SRGAP1: variants seen among roughly 807,000 people sequenced by gnomAD.
SRGAP1 encodes SLIT-ROBO Rho GTPase activating protein 1, also known as SLIT-ROBO Rho GTPase-activating protein 1.
SRGAP1 carries 43 observed loss-of-function variants against 121.9 expected under a neutral mutation model. The observed-to-expected ratio is 0.35, with a 90% CI of 0.28 to 0.46. The LOEUF (loss-of-function observed/expected upper bound fraction) is 0.46. SRGAP1 is among the 20% of genes least tolerant of loss of function. SRGAP1 has a pLI of 1.00. For synonymous variants in SRGAP1, 447 were observed against 485.4 expected (o/e 0.92, Z 1.04); for missense variants, 1,102 against 1,350.9 (o/e 0.82, Z 2.89).
intron 4 of SRGAP1, among the ~76,000 whole-genome samples, chr12:64,033,090 TG>T (rs1439786125): frequency 6.6e-6 from 1 of 152,088 alleles, no homozygotes; most frequent in Non-Finnish European, 1.5e-5. Context: ...GAACAGAAGC[TG>T]ATTATTTCTG....
intron 1 of SRGAP1, among the ~76,000 whole-genome samples, chr12:63,851,437 AAAAT>A (rs1453269903): frequency 2.0e-5 from 3 of 152,238 alleles, no homozygotes; most frequent in East Asian, 1.9e-4. Flanking sequence ...TAATTTTTAA[AAAAT>A]AAATAAATAA....
In SRGAP1 at chr12:63,865,948, C is replaced by T. The variant is rs142738779; in HGVS notation, c.67+21065C>T. ...CTCTCAGTCCAACCACTCAGCTCAT[C>T]GTTGTCGGTTGTGGTATAAAATCCA... On this transcript the variant is annotated intron_variant, in intron 1 of 21. Transcript: ENST00000355086. 5.5e-4 allele frequency among the ~76,000 whole-genome samples: 83 copies of T among 152,224 alleles called. No homozygotes were observed. In the Middle Eastern group the frequency reaches 0.01, roughly 19 times the overall value.
intron 10 of SRGAP1, among the ~76,000 whole-genome samples, chr12:64,083,297 C>T (rs767126941): frequency 2.6e-5 from 4 of 152,138 alleles, no homozygotes; most frequent in African/African-American, 4.8e-5. Flanking sequence ...CTAGACTCAC[C>T]GCTGCAAAAA....
At chr12:64,064,954 C>T (rs1420970471) in intron 7 of SRGAP1, among the ~76,000 whole-genome samples, 164 bp from the exon 8 acceptor site, 7 of 152,180 alleles carry the variant, frequency 4.6e-5, no homozygotes, top group Non-Finnish European at 5.9e-5. Flanking sequence ...TATGTAACAG[C>T]TCCATATTTA....
At chr12:63,932,938 C>T (rs1167967587) in intron 1 of SRGAP1, among the ~76,000 whole-genome samples, 1 of 152,120 alleles carries the variant, frequency 6.6e-6, no homozygotes, top group Non-Finnish European at 1.5e-5. Flanking sequence ...GCCTTTAATC[C>T]CAGCACTTTG....
intron 11 of SRGAP1, among the ~76,000 whole-genome samples, chr12:64,088,554 C>T (rs780006762): frequency 5.3e-5 from 8 of 152,198 alleles, no homozygotes; most frequent in Non-Finnish European, 8.8e-5. Context: ...GTGGTAGCCA[C>T]AGAATCAGAA....
intron 1 of SRGAP1, among the ~76,000 whole-genome samples, chr12:63,953,078 C>G (rs1461227583): frequency 1.3e-5 from 2 of 152,204 alleles, no homozygotes; most frequent in Non-Finnish European, 2.9e-5. Flanking sequence ...TGAAGTCACA[C>G]AAATAGTAAG....
intron 1 of SRGAP1, among the ~76,000 whole-genome samples, chr12:63,905,453 A>T (rs1445931019): frequency 6.6e-6 from 1 of 152,200 alleles, no homozygotes; most frequent in African/African-American, 2.4e-5. Context: ...AAAGGACGAG[A>T]GTATTTTGAA....
At chr12:63,971,410 G>A (rs1239007091) in intron 1 of SRGAP1, among the ~76,000 whole-genome samples, 1 of 152,216 alleles carries the variant, frequency 6.6e-6, no homozygotes, top group Non-Finnish European at 1.5e-5. Context: ...ATGTTTGTCA[G>A]ATGAGTACGT....
At chr12:64,131,593 C>T (rs1281112209) in intron 21 of SRGAP1, among the ~76,000 whole-genome samples, 1 of 152,232 alleles carries the variant, frequency 6.6e-6, no homozygotes, top group Admixed American at 6.5e-5. Context: ...TTCTCTTCCT[C>T]TGTCAAGTGA....
intron 1 of SRGAP1, among the ~76,000 whole-genome samples, chr12:63,961,477 G>T (rs1019958495): frequency 2.0e-5 from 3 of 152,208 alleles, no homozygotes; most frequent in African/African-American, 7.2e-5. Context: ...GGGCTGTATG[G>T]ATGGGGGATT....
intron 1 of SRGAP1, among the ~76,000 whole-genome samples, chr12:63,893,142 C>A (rs1900644095): frequency 6.6e-6 from 1 of 152,106 alleles, no homozygotes. Context: ...TTTTCCCAGC[C>A]CACTCCCCAA....
At chr12:63,940,936 C>G (rs1339740734) in intron 1 of SRGAP1, among the ~76,000 whole-genome samples, 1 of 152,092 alleles carries the variant, frequency 6.6e-6, no homozygotes, top group African/African-American at 2.4e-5. Flanking sequence ...CATTACCTTC[C>G]CGCGGCCTGA....
chr12:64,127,846 T>G lies in SRGAP1; in HGVS notation c.2541-15T>G. 6.2e-7 allele frequency: 1 copy of G among 1,603,356 alleles called. No homozygotes were observed. The highest frequency in any genetic ancestry group is 8.5e-7 in the Non-Finnish European group (1 of 1,173,646). ...TAAGCTCTTCTGTTTTCTCCCTGTTTCTGTGAATGTCTAGGCAACGAAAAA... is the reference window on the plus strand; with the variant it reads ...TAAGCTCTTCTGTTTTCTCCCTGTTGCTGTGAATGTCTAGGCAACGAAAAA... On this transcript the variant is annotated splice_polypyrimidine_tract_variant and intron_variant, in intron 20 of 21. Transcript: ENST00000355086.
At chr12:64,068,262 A>C (rs1258443143) in intron 8 of SRGAP1, among the ~76,000 whole-genome samples, 2 of 145,602 alleles carry the variant, frequency 1.4e-5, no homozygotes, top group Admixed American at 6.8e-5. Flanking sequence ...AACAGAGCAA[A>C]ACTCTGTCTC....
intron 1 of SRGAP1, among the ~76,000 whole-genome samples, chr12:63,859,323 C>A (rs2136264241): frequency 6.6e-6 from 1 of 152,156 alleles, no homozygotes; most frequent in Non-Finnish European, 1.5e-5. Flanking sequence ...CCATGCCTGG[C>A]TCCTGGCTAA....
At chr12:63,957,921 T>C (rs1453023649) in intron 1 of SRGAP1, among the ~76,000 whole-genome samples, 2 of 152,188 alleles carry the variant, frequency 1.3e-5, no homozygotes, top group Non-Finnish European at 2.9e-5. Context: ...TGCATGCCTC[T>C]GCGGGGTGCT....
In SRGAP1 at chr12:64,111,837, T is replaced by C. The variant is rs549947701; in HGVS notation, c.1995T>C (p.Pro665=). The C allele has an allele frequency of 6.2e-7, 1 of 1,614,134 alleles. No individual in the cohort carries two copies. Among genetic ancestry groups the C allele is most frequent in the East Asian group, 2.2e-5 (1 of 44,870 alleles). ...TTTGCTTTGGCCCAACATTGATGCC[T>C]GTCCCAGAAATACAGGATCAAGTGT... The part of the protein sequence containing the change: ...LAICFGPTLM[P]VPEIQDQVSC... The change falls in exon 17 of 22, where the codon CCT becomes CCC. Residue 665 remains proline (P), a synonymous_variant. Coordinates refer to ENST00000355086, the MANE Select transcript of SRGAP1 (RefSeq NM_020762.4).
intron 1 of SRGAP1, among the ~76,000 whole-genome samples, chr12:63,861,482 A>G (rs1236701060): frequency 2.0e-5 from 3 of 151,752 alleles, no homozygotes; most frequent in African/African-American, 4.8e-5. Flanking sequence ...TATTTTCAGT[A>G]GAGACAGGGT....
Sources: allele counts gnomAD v4.1 joint callset (sites outside exome capture counted in the v4.1 genomes callset), GRCh38; gene constraint gnomAD v4.1.1; transcripts MANE v1.5; gene names NCBI Gene and HGNC (gene_info 2026-07-23, HGNC 2026-07-21).